ZNF805: variants seen among roughly 807,000 people sequenced by gnomAD.
ZNF805 encodes zinc finger protein 805.
Under a neutral mutation model 13.6 loss-of-function variants are expected in ZNF805, and 7 were observed. That is an observed-to-expected ratio of 0.51 (90% CI 0.29 to 0.97). The LOEUF is 0.97. Among genes scored for constraint, ZNF805 ranks in the 50% least tolerant of loss-of-function variants. The probability of loss-of-function intolerance (pLI) is 0.08; values close to 1 mark genes in which losing one functional copy is unlikely to be tolerated. For synonymous variants in ZNF805, 293 were observed against 279.8 expected (o/e 1.05, Z -0.47); for missense variants, 604 against 771.0 (o/e 0.78, Z 2.57).
chr19:57,244,328 A>C (rs980234179), intron 2 of ZNF805, among the ~76,000 whole-genome samples: 6 of 146,956 alleles, frequency 4.1e-5, no homozygotes, highest in Non-Finnish European at 7.4e-5. Context: ...TCAGCCTCCC[A>C]AGTAGCTGGG....
Position 57,254,292 on chromosome 19 carries a change from C to T in ZNF805, c.1473C>T (p.Ala491=). The T allele has an allele frequency of 1.2e-6, 2 of 1,613,718 alleles. No homozygotes were observed. Among genetic ancestry groups the T allele is most frequent in the Non-Finnish European group, 1.7e-6 (2 of 1,179,946 alleles). ...ATGAGTGCATGGAGTGTGGAAAGGC[C>T]TTCAACCGCAGGTCAGGCCTCACAA... ...KPYECMECGK[A]FNRRSGLTRH... The change falls in exon 4 of 4, where the codon GCC becomes GCT. Residue 491 remains alanine, a synonymous_variant. Transcript: ENST00000414468.
intron 2 of ZNF805, among the ~76,000 whole-genome samples, chr19:57,245,668 A>G (rs372140125): frequency 6.6e-6 from 1 of 150,386 alleles, no homozygotes; most frequent in Non-Finnish European, 1.5e-5. Context: ...AGTCCCAGCT[A>G]CTCGGGAGGC....
At chr19:57,243,075 G>A (rs2087589389) in intron 1 of ZNF805, among the ~76,000 whole-genome samples, 1 of 152,160 alleles carries the variant, frequency 6.6e-6, no homozygotes, top group South Asian at 2.1e-4. Flanking sequence ...AAATAGTTGG[G>A]CGCAGTGGTG....
rs777932974 is a variant in ZNF805 at position 57,248,743 on chromosome 19, G to A, written c.253+43G>A. The stretch of plus-strand genomic sequence containing the variant: ...GGCAGGTCGGAGTCCCTGCTGGCTT[G>A]AGACTTCGAGGAGACCACTGGCCCT... On this transcript the variant is annotated intron_variant, in intron 3 of 3. Transcript: ENST00000414468. 6.0e-6 allele frequency: 9 copies of A among 1,511,200 alleles called. No individual in the cohort carries two copies. The South Asian group carries it at 9.6e-5, about 16-fold the overall frequency. The allele number at this position is 1,511,200 out of a possible 1,614,324, so 93.6% of individuals were successfully genotyped here.
rs8103114 is a variant in ZNF805 at position 57,258,288 on chromosome 19, T to G, written c.*3585T>G. ...AAAGTGCTGGGATTACAGGTATGTG[T>G]CACTGTGTCTGGCCCCAGTTTGCAT... On this transcript the variant is annotated 3_prime_UTR_variant, in exon 4 of 4. Coordinates refer to ENST00000414468, the MANE Select transcript of ZNF805 (RefSeq NM_001023563.4). Among the ~76,000 whole-genome samples, 106 of 152,232 alleles carry G rather than the reference T, an allele frequency of 7.0e-4. No individual in the cohort carries two copies. Among genetic ancestry groups the G allele is most frequent in the Admixed American group, 2.0e-3 (31 of 15,290 alleles).
chr19:57,246,181 G>C (rs1038189809), intron 2 of ZNF805, among the ~76,000 whole-genome samples: 2 of 152,150 alleles, frequency 1.3e-5, no homozygotes, highest in Non-Finnish European at 2.9e-5. Context: ...AAAGAGCACT[G>C]TTTGTTTGTC....
rs2087683465 is a variant in ZNF805 at position 57,255,692 on chromosome 19, G to T, written c.*989G>T. Among the ~76,000 whole-genome samples the T allele has an allele frequency of 6.6e-6, 1 of 152,040 alleles. No individual in the cohort carries two copies. Among genetic ancestry groups the T allele is most frequent in the Non-Finnish European group, 1.5e-5 (1 of 67,944 alleles). ...ATTATTTTTTCAATCTTATTTTGCT[G>T]TCTTGCAACCTTCCTAAACTCATTA... is the stretch of plus-strand genomic sequence containing the variant. On this transcript the variant is annotated 3_prime_UTR_variant, in exon 4 of 4. Coordinates refer to ENST00000414468, the MANE Select transcript of ZNF805 (RefSeq NM_001023563.4).
rs1404206141 is a variant in ZNF805, at chr19:57,259,175, TTTTGA to T, written c.*4477_*4481del. ...TATCATGTTTGGTTTTTGTTTAGCTTTTTGATTTGTCGGTTTATGCCCTTTGCCAA... is the reference window on the plus strand; with the variant it reads ...TATCATGTTTGGTTTTTGTTTAGCTTTTTGTCGGTTTATGCCCTTTGCCAA... On this transcript the variant is annotated 3_prime_UTR_variant, in exon 4 of 4. Transcript: ENST00000414468. Among the ~76,000 whole-genome samples the T allele has an allele frequency of 1.3e-5, 2 of 152,180 alleles. No homozygotes were observed. The highest frequency in any genetic ancestry group is 2.9e-5 in the Non-Finnish European group (2 of 68,034).
chr19:57,253,331 T>C lies in ZNF805; in HGVS notation c.512T>C (p.Ile171Thr), dbSNP rs759398561. The C allele has an allele frequency of 5.1e-6, 8 of 1,574,644 alleles. No individual in the cohort carries two copies. The South Asian group carries it at 5.8e-5, about 11-fold the overall frequency. ...ACAGCTGATAGTGTGTGTTCAAGGA[T>C]TATACAGGATCGAGTCTCCTTAGGA... ...LGTADSVCSRIIQDRVSLGDD... is the reference protein window; with the variant it reads ...LGTADSVCSRTIQDRVSLGDD... The change falls in exon 4 of 4, where the codon ATT becomes ACT. Residue 171 changes from isoleucine to threonine, a missense_variant. Ile to Thr is a moderately conservative substitution (Grantham distance 89). Transcript: ENST00000414468. The surrounding 1 kb of genome is among the most constrained non-coding windows in gnomAD (Gnocchi z 4.4).
At chr19:57,247,927 C>T (rs559291373) in intron 2 of ZNF805, among the ~76,000 whole-genome samples, 232 of 152,340 alleles carry the variant, frequency 1.5e-3, no homozygotes, top group Non-Finnish European at 2.7e-3. Context: ...CATTTAATGG[C>T]TAGGCATGGT....
chr19:57,245,615 TA>T (rs1228817355), intron 2 of ZNF805, among the ~76,000 whole-genome samples: 1 of 149,114 alleles, frequency 6.7e-6, no homozygotes, highest in Non-Finnish European at 1.5e-5. Context: ...CTGTCTCTAC[TA>T]AAAATACAAA....
rs1394689135 is a variant in ZNF805, at chr19:57,257,689, T to A, written c.*2986T>A. Among the ~76,000 whole-genome samples, 1 of 148,224 alleles carries A rather than the reference T, an allele frequency of 6.7e-6. No individual in the cohort carries two copies. The highest frequency in any genetic ancestry group is 1.5e-5 in the Non-Finnish European group (1 of 67,394). The stretch of plus-strand genomic sequence containing the variant: ...ATTTGGGCTGTGGTTTTATATCCAG[T>A]TTGCGTATCTTTTTTTTTTTTTTTT... On this transcript the variant is annotated 3_prime_UTR_variant, in exon 4 of 4. Transcript: ENST00000414468.
chr19:57,259,631 C>T lies in ZNF805; in HGVS notation c.*4928C>T, dbSNP rs990982134. Among the ~76,000 whole-genome samples, 4 of 152,076 alleles carry T rather than the reference C, an allele frequency of 2.6e-5. No individual in the cohort carries two copies. The highest frequency in any genetic ancestry group is 2.0e-4 in the Admixed American group (3 of 15,268). ...ATGCCATTCTCCTGCCTCAGCCTCC[C>T]GAGTAGCTGGGACTACAGGTGCCCG... On this transcript the variant is annotated 3_prime_UTR_variant, in exon 4 of 4. Transcript: ENST00000414468.
intron 2 of ZNF805, among the ~76,000 whole-genome samples, chr19:57,245,651 T>G (rs7249763): frequency 0.021 from 3,063 of 148,566 alleles, 111 homozygotes; most frequent in African/African-American, 0.071. Context: ...TGGTGGCGGG[T>G]GCCTGTAGTC....
rs752533908 is a variant in ZNF805, at chr19:57,253,918, G to C, written c.1099G>C (p.Gly367Arg). Reference protein sequence around the residue: ...YLMWHQQTHTGEKPYECSECG... With the variant: ...YLMWHQQTHTREKPYECSECG... ...CATGTGGCACCAGCAGACTCATACC[G>C]GGGAGAAGCCCTATGAGTGCAGTGA... The change falls in exon 4 of 4, where the codon GGG becomes CGG. Residue 367 changes from glycine (G) to arginine (R), a missense_variant. By Grantham distance (125) the Gly-to-Arg change is moderately radical. Coordinates refer to ENST00000414468, the MANE Select transcript of ZNF805 (RefSeq NM_001023563.4). This position sits in a 1 kb window ranked among gnomAD's most constrained non-coding sequence, Gnocchi z 4.4. The C allele has an allele frequency of 6.2e-7, 1 of 1,614,062 alleles. No individual in the cohort carries two copies. Among genetic ancestry groups the C allele is most frequent in the African/African-American group, 1.3e-5 (1 of 74,912 alleles).
chr19:57,255,312 T>C lies in ZNF805; in HGVS notation c.*609T>C, dbSNP rs568512963. On this transcript the variant is annotated 3_prime_UTR_variant, in exon 4 of 4. Transcript: ENST00000414468. ...TTAGGTAATGTGATTTCTTTTTTCT[T>C]ACTATTTTTATTTAAAATTCATTTA... 9.3e-4 allele frequency among the ~76,000 whole-genome samples: 141 copies of C among 152,300 alleles called. No individual in the cohort carries two copies. Among genetic ancestry groups the C allele is most frequent in the African/African-American group, 3.3e-3 (138 of 41,580 alleles).
At chr19:57,252,178 G>A (rs8106734) in intron 3 of ZNF805, among the ~76,000 whole-genome samples, 66,489 of 151,942 alleles carry the variant, frequency 0.44, 15,763 homozygotes, top group Non-Finnish European at 0.53. Context: ...ACATTCTCTC[G>A]TGACAAGTGG....
rs1215950578 is a variant in ZNF805 at position 57,240,720 on chromosome 19, A to T, written c.-172A>T. The T allele has an allele frequency of 1.7e-6, 1 of 580,640 alleles. No individual in the cohort carries two copies. Among genetic ancestry groups the T allele is most frequent in the Non-Finnish European group, 2.9e-6 (1 of 340,040 alleles). 36.0% of individuals were successfully genotyped at this position (580,640 alleles called of 1,614,324 possible). On this transcript the variant is annotated 5_prime_UTR_variant, in exon 1 of 4. Coordinates refer to ENST00000414468, the MANE Select transcript of ZNF805 (RefSeq NM_001023563.4). Reference sequence around the variant, plus strand: ...GGGGAAATGAGCAGGTAGGAGGCCGACAGCGACCTCCGCGTCTCGGAGCGA... The same window carrying T: ...GGGGAAATGAGCAGGTAGGAGGCCGTCAGCGACCTCCGCGTCTCGGAGCGA...
At chr19:57,241,845 C>A (rs958418419) in intron 1 of ZNF805, among the ~76,000 whole-genome samples, 13 of 152,234 alleles carry the variant, frequency 8.5e-5, no homozygotes, top group African/African-American at 2.9e-4. Context: ...AATGTCACTT[C>A]TTTAAAGCGG....
Sources: allele counts gnomAD v4.1 joint callset (sites outside exome capture counted in the v4.1 genomes callset), GRCh38; gene constraint gnomAD v4.1.1; non-coding constraint Gnocchi (gnomAD v3.1); transcripts MANE v1.5; gene names NCBI Gene and HGNC (gene_info 2026-07-23, HGNC 2026-07-21).